NLRX1: variants seen among roughly 807,000 people sequenced by gnomAD.
NLRX1 encodes NOD-like receptor X1.
A neutral mutation model predicts 74.2 loss-of-function variants in NLRX1; 67 were observed. The observed-to-expected ratio is 0.90, with a 90% CI of 0.74 to 1.11. The LOEUF (loss-of-function observed/expected upper bound fraction) is 1.11. Ranked by LOEUF, NLRX1 falls within the 50% of genes least tolerant of loss-of-function variation. NLRX1 has a pLI of 0.00. For synonymous variants in NLRX1, 506 were observed against 559.1 expected, an observed-to-expected ratio of 0.91 and a Z score of 1.34; for missense variants, 1,191 against 1,305.4, an observed-to-expected ratio of 0.91 and a Z score of 1.35.
intron 1 of NLRX1, among the ~76,000 whole-genome samples, chr11:119,171,098 A>G (rs1948532267): frequency 6.6e-6 from 1 of 152,192 alleles, no homozygotes; most frequent in Non-Finnish European, 1.5e-5. Flanking sequence ...AGCCACAATC[A>G]TGCCTGGGCA....
At chr11:119,180,937 A>T (rs1948821898) in intron 7 of NLRX1, among the ~76,000 whole-genome samples, 1 of 152,004 alleles carries the variant, frequency 6.6e-6, no homozygotes, top group South Asian at 2.1e-4. Flanking sequence ...GCTACTCGGG[A>T]GGCTGAGGTG....
chr11:119,172,617 G>A (rs1592321596), intron 3 of NLRX1, among the ~76,000 whole-genome samples, 192 bp downstream of exon 3: 1 of 152,326 alleles, frequency 6.6e-6, no homozygotes, highest in South Asian at 2.1e-4. Context: ...AGAAGGCATA[G>A]TAGTCAGTGG....
Position 119,169,778 on chromosome 11 carries a change from C to T in NLRX1, c.-49+476C>T, listed in dbSNP as rs986726838. Among the ~76,000 whole-genome samples, 51 of 152,126 alleles carry T rather than the reference C, an allele frequency of 3.4e-4. No individual in the cohort carries two copies. The Middle Eastern group carries it at 0.01, about 30-fold the overall frequency. ...GGCAAGGCGGGCGGATCACTTGAGC[C>T]CAGGAGTTCGAGACCACCCTGGGCA... is the stretch of plus-strand genomic sequence containing the variant. On this transcript the variant is annotated intron_variant, in intron 1 of 9. Coordinates refer to ENST00000409109, the MANE Select transcript of NLRX1 (RefSeq NM_001282144.2).
chr11:119,180,254 C>T lies in NLRX1; in HGVS notation c.2233C>T (p.Leu745Phe). Residue 745 changes from leucine to phenylalanine, a missense_variant, in exon 7 of 10, where the codon CTC (leucine) becomes TTC (phenylalanine). By Grantham distance (22) the Leu-to-Phe change is conservative (BLOSUM62 0). Coordinates refer to ENST00000409109, the MANE Select transcript of NLRX1 (RefSeq NM_001282144.2). ...GCTAGATCCTGCTGGGCTGCGCACA[C>T]TCCTGCCTGTCTTCCTGCGTGCCCG... ...CQLDPAGLRT[L>F]LPVFLRARKL... 6.3e-7 allele frequency: 1 copy of T among 1,594,070 alleles called. No homozygotes were observed. Among genetic ancestry groups the T allele is most frequent in the Non-Finnish European group, 8.6e-7 (1 of 1,165,322 alleles).
Position 119,179,845 on chromosome 11 carries a change from G to C in NLRX1, c.1824G>C (p.Arg608=), listed in dbSNP as rs752721038. The change falls in exon 7 of 10, where the codon CGG becomes CGC. Residue 608 remains arginine, a synonymous_variant. Coordinates refer to ENST00000409109, the MANE Select transcript of NLRX1 (RefSeq NM_001282144.2). ...GASILGVEGP[R]RHPDEPPEDE... ...GTATCCTGGGCGTGGAGGGCCCCCGGCGCCACCCAGATGAGCCCCCTGAGG... is the reference window on the plus strand; with the variant it reads ...GTATCCTGGGCGTGGAGGGCCCCCGCCGCCACCCAGATGAGCCCCCTGAGG... 2 of 1,614,016 alleles carry C rather than the reference G, an allele frequency of 1.2e-6. No individual in the cohort carries two copies. The highest frequency in any genetic ancestry group is 2.2e-5 in the South Asian group (2 of 91,066).
rs764030070 is a variant in NLRX1, at chr11:119,175,286, A to C, written c.1671+12A>C. 1 of 1,604,854 alleles carries C rather than the reference A, an allele frequency of 6.2e-7. No homozygotes were observed. Among genetic ancestry groups the C allele is most frequent in the Non-Finnish European group, 8.5e-7 (1 of 1,174,048 alleles). On this transcript the variant is annotated intron_variant, in intron 6 of 9. Transcript: ENST00000409109. ...TCAACCTGATCAAGGTAACATCCCGATCAAGGTAACCCCCCAACCTGCTCC... is the reference window on the plus strand; with the variant it reads ...TCAACCTGATCAAGGTAACATCCCGCTCAAGGTAACCCCCCAACCTGCTCC...
rs766682195 is a variant in NLRX1 at position 119,183,470 on chromosome 11, C to T, written c.*31C>T. ...TGGCGGCAGGCACCTAGCTATGTGA[C>T]CACTGGCCCTAAACCTTTTCCCTCT... On this transcript the variant is annotated 3_prime_UTR_variant, in exon 10 of 10. Coordinates refer to ENST00000409109, the MANE Select transcript of NLRX1 (RefSeq NM_001282144.2). This position sits in a 1 kb window ranked among gnomAD's most constrained non-coding sequence, Gnocchi z 5.7. 4 of 1,585,946 alleles carry T rather than the reference C, an allele frequency of 2.5e-6. No individual in the cohort carries two copies. The South Asian group carries it at 4.5e-5, about 18-fold the overall frequency.
intron 2 of NLRX1, among the ~76,000 whole-genome samples, chr11:119,171,948 C>G (rs1948560853): frequency 2.0e-5 from 3 of 150,030 alleles, no homozygotes; most frequent in Admixed American, 2.0e-4. Flanking sequence ...GAGTAAGACT[C>G]TGTCTCAAAA....
In NLRX1 at chr11:119,168,795, C is replaced by G. The variant is rs1157053324; in HGVS notation, c.-556C>G. ...GGGTGGCGCCGGGGTTCCAGCCCTG[C>G]GCCTGCTCCGGAGCACCGGGCCCCT... is the stretch of plus-strand genomic sequence containing the variant. On this transcript the variant is annotated 5_prime_UTR_variant, in exon 1 of 10. Transcript: ENST00000409109. 1 of 152,358 alleles carries G rather than the reference C, an allele frequency of 6.6e-6. No individual in the cohort carries two copies. Among genetic ancestry groups the G allele is most frequent in the Admixed American group, 6.5e-5 (1 of 15,284 alleles). The allele number at this position is 152,358 out of a possible 1,614,324, so 9.4% of individuals were successfully genotyped here.
intron 5 of NLRX1, 144 bp downstream of exon 5, chr11:119,174,242 C>A: frequency 8.4e-7 from 1 of 1,184,452 alleles, no homozygotes; most frequent in South Asian, 1.5e-5. Flanking sequence ...CTGTTCCTTT[C>A]TTTTTGAGTT....
At position 119,182,229 on chromosome 11, in the gene NLRX1, G is replaced by A. The variant is rs1205607782; in HGVS notation, c.2490G>A (p.Gln830=). 1.2e-6 allele frequency: 2 copies of A among 1,613,778 alleles called. No homozygotes were observed. The highest frequency in any genetic ancestry group is 2.2e-5 in the East Asian group (1 of 44,896). ...GDEGLELLAA[Q]LDRNRQLQEL... ...AAGGCCTGGAGCTGCTGGCTGCCCA[G>A]CTGGACCGCAACCGGCAGCTGCAGG... Residue 830 remains glutamine, a synonymous_variant, in exon 9 of 10, where the codon CAG becomes CAA. Transcript: ENST00000409109.
chr11:119,183,516 G>C lies in NLRX1; in HGVS notation c.*77G>C. On this transcript the variant is annotated 3_prime_UTR_variant, in exon 10 of 10. Transcript: ENST00000409109. This position sits in a 1 kb window ranked among gnomAD's most constrained non-coding sequence, Gnocchi z 5.7. ...CCTCTGTGGCCTCCTGGCTTGCACT[G>C]CTCCCTCTAGAAAGATTCCTTCAGG... 7.4e-7 allele frequency: 1 copy of C among 1,358,342 alleles called. No homozygotes were observed. The highest frequency in any genetic ancestry group is 1.0e-6 in the Non-Finnish European group (1 of 988,256). 84.1% of individuals were successfully genotyped at this position (1,358,342 alleles called of 1,614,324 possible).
At chr11:119,172,216 G>A in intron 2 of NLRX1, 140 bp from the exon 3 acceptor site, 1 of 681,330 alleles carries the variant, frequency 1.5e-6, no homozygotes, top group South Asian at 1.7e-5. Flanking sequence ...ATCACACAAT[G>A]AAATATAAAA....
chr11:119,173,436 C>T lies in NLRX1; in HGVS notation c.230-43C>T. The T allele has an allele frequency of 6.3e-7, 1 of 1,587,672 alleles. No homozygotes were observed. Among genetic ancestry groups the T allele is most frequent in the Non-Finnish European group, 8.6e-7 (1 of 1,168,898 alleles). On this transcript the variant is annotated intron_variant, in intron 4 of 9. Transcript: ENST00000409109. The surrounding 1 kb of genome is among the most constrained non-coding windows in gnomAD (Gnocchi z 4.0). ...CCTGATTGGCCCTAAGCTACATCTC[C>T]AGGCCCCTTTCCCTGACACATTTCC...
intron 6 of NLRX1, 31 bp downstream of exon 6, chr11:119,175,305 C>T (rs1948677699): frequency 2.5e-6 from 4 of 1,579,516 alleles, no homozygotes; most frequent in Non-Finnish European, 3.5e-6. Flanking sequence ...ACCCCCCAAC[C>T]TGCTCCTTCC....
chr11:119,182,710 A>G (rs1226914367), intron 9 of NLRX1, among the ~76,000 whole-genome samples: 1 of 152,016 alleles, frequency 6.6e-6, no homozygotes. Context: ...AACATGGTGA[A>G]ACCCCGTTTC....
chr11:119,183,008 T>C lies in NLRX1; in HGVS notation c.2607-110T>C. 4 of 979,182 alleles carry C rather than the reference T, an allele frequency of 4.1e-6. No individual in the cohort carries two copies. Among genetic ancestry groups the C allele is most frequent in the Non-Finnish European group, 6.0e-6 (4 of 661,992 alleles). The allele number at this position is 979,182 out of a possible 1,614,324, so 60.7% of individuals were successfully genotyped here. A position where few individuals can be genotyped will look rare whatever the true frequency, so the allele number is the denominator to read the frequency against. ...GCTCATTGCAGTTACCTGATCGCAC[T>C]CTGCAGCCAGGAGATGAGTTGTGAG... On this transcript the variant is annotated intron_variant, in intron 9 of 9. Coordinates refer to ENST00000409109, the MANE Select transcript of NLRX1 (RefSeq NM_001282144.2). This position sits in a 1 kb window ranked among gnomAD's most constrained non-coding sequence, Gnocchi z 5.7.
intron 1 of NLRX1, 62 bp from the exon 2 acceptor site, chr11:119,171,294 T>G: frequency 8.7e-7 from 1 of 1,152,696 alleles, no homozygotes; most frequent in Non-Finnish European, 1.2e-6. Context: ...TTGGCTGGAA[T>G]GGGGTTAGGG....
intron 1 of NLRX1, 79 bp from the exon 2 acceptor site, chr11:119,171,277 T>C: frequency 1.1e-6 from 1 of 927,090 alleles, no homozygotes; most frequent in Non-Finnish European, 1.6e-6. Flanking sequence ...GGGAGGAAGG[T>C]CCCTCCTTGG....
Sources: allele counts gnomAD v4.1 joint callset (sites outside exome capture counted in the v4.1 genomes callset), GRCh38; gene constraint gnomAD v4.1.1; non-coding constraint Gnocchi (gnomAD v3.1); transcripts MANE v1.5; gene names NCBI Gene and HGNC (gene_info 2026-07-23, HGNC 2026-07-21).